ITGA4: variants seen among roughly 807,000 people sequenced by gnomAD.
The protein encoded by ITGA4 is integrin alpha-4.
A neutral mutation model predicts 133.6 loss-of-function variants in ITGA4; 63 were observed. The ratio of observed to expected loss-of-function variants is 0.47; its 90% CI spans 0.38 to 0.58. The LOEUF (loss-of-function observed/expected upper bound fraction) is 0.58, where lower values mean the gene tolerates loss of function less well. Ranked by LOEUF, ITGA4 falls within the 20% of genes least tolerant of loss-of-function variation. The pLI is 0.00. For synonymous variants in ITGA4, 483 were observed against 438.0 expected (o/e 1.10, Z -1.28); for missense variants, 1,076 against 1,252.7 (o/e 0.86, Z 2.13).
chr2:181,530,426 A>G, intron 23 of ITGA4, 98 bp from the exon 24 acceptor site: 2 of 1,086,814 alleles, frequency 1.8e-6, no homozygotes, highest in Non-Finnish European at 2.6e-6. Context: ...GATATATTTT[A>G]GCAAAGATAA....
intron 11 of ITGA4, among the ~76,000 whole-genome samples, chr2:181,494,286 G>T (rs115112593): frequency 6.6e-6 from 1 of 152,138 alleles, no homozygotes; most frequent in Non-Finnish European, 1.5e-5. Flanking sequence ...ATTCATGTTG[G>T]GCAAGGAAGT....
intron 20 of ITGA4, 142 bp from the exon 21 acceptor site, chr2:181,525,060 A>G (rs1686805263): frequency 7.0e-6 from 3 of 428,324 alleles, no homozygotes; most frequent in Non-Finnish European, 1.2e-5. Context: ...AATTTTTACT[A>G]CCATATCTAC....
chr2:181,533,037 T>C (rs928274787), intron 25 of ITGA4, among the ~76,000 whole-genome samples: 1 of 149,960 alleles, frequency 6.7e-6, no homozygotes, highest in Non-Finnish European at 1.5e-5. Flanking sequence ...AAAATCAAAA[T>C]TCAACAACAA....
intron 2 of ITGA4, among the ~76,000 whole-genome samples, chr2:181,471,825 T>G (rs1454795722): frequency 6.6e-6 from 1 of 152,228 alleles, no homozygotes; most frequent in South Asian, 2.1e-4. Flanking sequence ...AACATCTCTT[T>G]CTTGTGGCTT....
At chr2:181,525,001 A>G (rs183563513) in intron 20 of ITGA4, among the ~76,000 whole-genome samples, 2 of 152,194 alleles carry the variant, frequency 1.3e-5, no homozygotes, top group African/African-American at 4.8e-5. Flanking sequence ...GAAGCAAATG[A>G]TAACAGTTTA....
chr2:181,460,631 G>A (rs1206883908), intron 2 of ITGA4, among the ~76,000 whole-genome samples: 1 of 148,580 alleles, frequency 6.7e-6, no homozygotes, highest in African/African-American at 2.5e-5. Context: ...AGCTTCAGTT[G>A]TCCTGTTTCA....
At chr2:181,483,127 T>C (rs576726984) in intron 9 of ITGA4, among the ~76,000 whole-genome samples, 1 of 152,324 alleles carries the variant, frequency 6.6e-6, no homozygotes, top group South Asian at 2.1e-4. Context: ...AAAACATTAA[T>C]TTTCATAATT....
At position 181,537,036 on chromosome 2, in the gene ITGA4, G is replaced by A. The variant is rs200338614; in HGVS notation, c.*1509G>A. 1 of 444,092 alleles carries A rather than the reference G, an allele frequency of 2.3e-6. No individual in the cohort carries two copies. Among genetic ancestry groups the A allele is most frequent in the Non-Finnish European group, 4.5e-6 (1 of 221,470 alleles). 27.5% of individuals were successfully genotyped at this position (444,092 alleles called of 1,614,324 possible). ...GAGGAATGTTCTGAGATTTGCGAAG[G>A]CATTTGAGTAGTGAAATGTAAGCAC... On this transcript the variant is annotated 3_prime_UTR_variant, in exon 28 of 28. Transcript: ENST00000397033.
intron 10 of ITGA4, among the ~76,000 whole-genome samples, chr2:181,490,772 GT>G (rs1326374267): frequency 6.6e-6 from 1 of 152,124 alleles, no homozygotes; most frequent in Non-Finnish European, 1.5e-5. Flanking sequence ...ATTTAATATG[GT>G]GGTTGTGAGA....
chr2:181,495,520 T>G lies in ITGA4; in HGVS notation c.1385+104T>G. The G allele has an allele frequency of 1.2e-6, 1 of 865,032 alleles. No homozygotes were observed. Among genetic ancestry groups the G allele is most frequent in the Admixed American group, 1.9e-5 (1 of 52,106 alleles). 53.6% of individuals were successfully genotyped at this position (865,032 alleles called of 1,614,324 possible). ...AGTGGTAGTGACCTCATGATGCTCT[T>G]TTGGTATTCTGAAGCTTAATTATTG... On this transcript the variant is annotated intron_variant, in intron 13 of 27. Coordinates refer to ENST00000397033, the MANE Select transcript of ITGA4 (RefSeq NM_000885.6). This position sits in a 1 kb window ranked among gnomAD's most constrained non-coding sequence, Gnocchi z 4.3.
chr2:181,532,995 G>A lies in ITGA4; in HGVS notation c.2784+1219G>A, dbSNP rs187307357. Among the ~76,000 whole-genome samples, 134 of 152,050 alleles carry A rather than the reference G, an allele frequency of 8.8e-4. 1 individual carries two copies. In the Middle Eastern group the frequency reaches 0.01, roughly 12 times the overall value. ...CCTTTTATTTTAAAAATATAGCTAAGAAGAAAAACTAAGGCTTTCATAAAA... is the reference window on the plus strand; with the variant it reads ...CCTTTTATTTTAAAAATATAGCTAAAAAGAAAAACTAAGGCTTTCATAAAA... On this transcript the variant is annotated intron_variant, in intron 25 of 27. Transcript: ENST00000397033.
intron 9 of ITGA4, among the ~76,000 whole-genome samples, chr2:181,485,194 G>A (rs1685886951): frequency 6.6e-6 from 1 of 152,054 alleles, no homozygotes; most frequent in South Asian, 2.1e-4. Flanking sequence ...CCTAAATTAA[G>A]AGTAAATTTT....
chr2:181,485,121 C>A (rs1384060338), intron 9 of ITGA4, among the ~76,000 whole-genome samples: 1 of 152,146 alleles, frequency 6.6e-6, no homozygotes, highest in Non-Finnish European at 1.5e-5. Flanking sequence ...GCTGCTGGTT[C>A]CAAAGGCCAG....
chr2:181,510,000 T>A, intron 16 of ITGA4, 193 bp downstream of exon 16: 1 of 474,390 alleles, frequency 2.1e-6, no homozygotes, highest in Non-Finnish European at 3.8e-6. Context: ...TATTTTAAAA[T>A]ATGCATTTAA....
chr2:181,518,383 G>A (rs1686652770), intron 17 of ITGA4, among the ~76,000 whole-genome samples: 1 of 152,150 alleles, frequency 6.6e-6, no homozygotes, highest in African/African-American at 2.4e-5. Flanking sequence ...GAGGAGTTAT[G>A]AGGACTGGGG....
At chr2:181,510,028 C>T (rs1471406054) in intron 16 of ITGA4, 2 of 381,782 alleles carry the variant, frequency 5.2e-6, no homozygotes, top group Non-Finnish European at 4.8e-6. Flanking sequence ...AGTAGATTCT[C>T]ATATAAAATG....
rs199686726 is a variant in ITGA4 at position 181,475,142 on chromosome 2, A to G, written c.427-17A>G. On this transcript the variant is annotated splice_polypyrimidine_tract_variant and intron_variant, in intron 3 of 27. Transcript: ENST00000397033. ...GTGCAGCTTTCACATCATTTGGTCT[A>G]CTTTTATTTTATTCAGACTTGTGGG... 18 of 1,613,516 alleles carry G rather than the reference A, an allele frequency of 1.1e-5. No homozygotes were observed. Among genetic ancestry groups the G allele is most frequent in the Non-Finnish European group, 1.5e-5 (18 of 1,179,734 alleles).
At chr2:181,498,026 A>C (rs1233321709) in intron 14 of ITGA4, among the ~76,000 whole-genome samples, 1 of 152,132 alleles carries the variant, frequency 6.6e-6, no homozygotes, top group Non-Finnish European at 1.5e-5. Flanking sequence ...TCAAACTAGA[A>C]ACCAATAACA....
At position 181,523,582 on chromosome 2, in the gene ITGA4, TC is replaced by T. The variant is rs758690999; in HGVS notation, c.2169+51del. 7 of 1,020,112 alleles carry T rather than the reference TC, an allele frequency of 6.9e-6. No individual in the cohort carries two copies. Among genetic ancestry groups the T allele is most frequent in the Non-Finnish European group, 9.2e-6 (6 of 651,476 alleles). 63.2% of individuals were successfully genotyped at this position (1,020,112 alleles called of 1,614,324 possible). A position where few individuals can be genotyped will look rare whatever the true frequency, so the allele number is the denominator to read the frequency against. ...TTGTTCACTATCATGAATATTTTTT[TC>T]TATTCTTCCCTATCTTTAGGTTGCA... is the stretch of plus-strand genomic sequence containing the variant. On this transcript the variant is annotated intron_variant, in intron 19 of 27. Coordinates refer to ENST00000397033, the MANE Select transcript of ITGA4 (RefSeq NM_000885.6). The surrounding 1 kb of genome is among the most constrained non-coding windows in gnomAD (Gnocchi z 4.2).
Sources: gnomAD v4.1 joint callset for allele counts (sites outside exome capture counted in the v4.1 genomes callset) on GRCh38, gnomAD v4.1.1 for gene constraint, Gnocchi (gnomAD v3.1) non-coding constraint, MANE v1.5 for transcripts, NCBI Gene and HGNC (gene_info 2026-07-23, HGNC 2026-07-21) for gene names.